Variants in FLT4 observed in about 807,000 individuals in gnomAD.
The protein encoded by FLT4 is vascular endothelial growth factor receptor 3.
In FLT4, 30 loss-of-function variants were observed where a neutral mutation model predicts 163.2. That is an observed-to-expected ratio of 0.18 (90% CI 0.14 to 0.25). The LOEUF is 0.25. FLT4 is among the 10% of genes least tolerant of loss of function. The probability of loss-of-function intolerance (pLI) is 1.00; values close to 1 mark genes in which losing one functional copy is unlikely to be tolerated. For synonymous variants in FLT4, 884 were observed against 789.5 expected, an observed-to-expected ratio of 1.12 and a Z score of -2.01; for missense variants, 1,510 against 1,863.8, an observed-to-expected ratio of 0.81 and a Z score of 3.50.
intron 1 of FLT4, among the ~76,000 whole-genome samples, chr5:180,641,227 G>A (rs1040238936): frequency 2.6e-5 from 4 of 152,166 alleles, no homozygotes; most frequent in African/African-American, 7.2e-5. Flanking sequence ...CCCACAGCAC[G>A]TGGAGGGTCC....
intron 29 of FLT4, 45 bp from the exon 30 acceptor site, chr5:180,603,435 G>T: frequency 6.4e-7 from 1 of 1,567,000 alleles, no homozygotes; most frequent in Non-Finnish European, 8.7e-7. Context: ...AGAAGGCTGG[G>T]TGGCGGGTGG....
At chr5:180,609,372 C>A (rs1762001303) in intron 28 of FLT4, 5 of 483,100 alleles carry the variant, frequency 1.0e-5, no homozygotes, top group South Asian at 2.4e-5. Context: ...AGAGGCCTCA[C>A]AACCTGGCAG....
chr5:180,629,735 G>A lies in FLT4; in HGVS notation c.777C>T (p.Asn259=), dbSNP rs1353328036. ...VLNCTVWAEF[N]SGVTFDWDYP... ...AGTCCCAGTCAAAGGTGACACCTGA[G>A]TTAAACTCAGCCCACACGGTGCAGT... The change falls in exon 6 of 30, where the codon AAC becomes AAT. Residue 259 remains asparagine (N), a synonymous_variant. Coordinates refer to ENST00000261937, the MANE Select transcript of FLT4 (RefSeq NM_182925.5). 1.9e-6 allele frequency: 3 copies of A among 1,611,924 alleles called. No individual in the cohort carries two copies. The highest frequency in any genetic ancestry group is 2.5e-6 in the Non-Finnish European group (3 of 1,179,726).
At chr5:180,605,341 A>T (rs911154765) in intron 29 of FLT4, among the ~76,000 whole-genome samples, 1 of 152,196 alleles carries the variant, frequency 6.6e-6, no homozygotes, top group Non-Finnish European at 1.5e-5. Flanking sequence ...GTCCATTTCT[A>T]TCCTGAAATT....
chr5:180,612,125 A>G (rs1407792705), intron 26 of FLT4, among the ~76,000 whole-genome samples: 2 of 152,152 alleles, frequency 1.3e-5, no homozygotes, highest in African/African-American at 4.8e-5. Flanking sequence ...GTCAGCACAC[A>G]CAGGTCAAGG....
chr5:180,611,514 C>T (rs997671572), intron 26 of FLT4, 35 bp from the exon 27 acceptor site: 1 of 1,611,058 alleles, frequency 6.2e-7, no homozygotes, highest in Non-Finnish European at 8.5e-7. Context: ...AGGCCAGAAA[C>T]CACCAGCCAC....
At chr5:180,608,730 A>G (rs78447916) in intron 29 of FLT4, among the ~76,000 whole-genome samples, 3,764 of 152,276 alleles carry the variant, frequency 0.025, 165 homozygotes, top group African/African-American at 0.085. Flanking sequence ...GAGCTCTGTC[A>G]GATGACAGGG....
At position 180,621,154 on chromosome 5, in the gene FLT4, G is replaced by A; in HGVS notation, c.2119C>T (p.Pro707Ser). 1 of 1,612,836 alleles carries A rather than the reference G, an allele frequency of 6.2e-7. No individual in the cohort carries two copies. Among genetic ancestry groups the A allele is most frequent in the Non-Finnish European group, 8.5e-7 (1 of 1,180,002 alleles). The change falls in exon 14 of 30, where the codon CCC (proline) becomes TCC (serine). Residue 707 changes from proline to serine, a missense_variant. This residue lies in a region of FLT4 where 878 missense variants were observed against 1,016.7 expected (regional missense o/e 0.86). Transcript: ENST00000261937. ...MQCLVAGAHA[P>S]SIVWYKDERL... ...TCGTCTTTGTACCACACGATGCTGG[G>A]CGCGTGCGCTCCGGCCACCAAGCAC...
intron 1 of FLT4, among the ~76,000 whole-genome samples, chr5:180,634,846 AT>A (rs1764442951): frequency 4.9e-5 from 3 of 61,096 alleles, no homozygotes; most frequent in East Asian, 4.8e-4. Context: ...GGATGCATGG[AT>A]GGATGGAAGT....
intron 29 of FLT4, among the ~76,000 whole-genome samples, chr5:180,607,434 G>A (rs1416771978): frequency 6.6e-6 from 1 of 151,988 alleles, no homozygotes; most frequent in Non-Finnish European, 1.5e-5. Flanking sequence ...TCAGGAGATC[G>A]AGACCATCCT....
chr5:180,630,805 A>G lies in FLT4; in HGVS notation c.156-6T>C. On this transcript the variant is annotated splice_polypyrimidine_tract_variant and splice_region_variant and intron_variant, in intron 2 of 29. Coordinates refer to ENST00000261937, the MANE Select transcript of FLT4 (RefSeq NM_182925.5). This position sits in a 1 kb window ranked among gnomAD's most constrained non-coding sequence, Gnocchi z 6.3. ...ACTCGAGGGGGTGCTGTCCCCTGGC[A>G]GAGGACAGGAGTGGTCAGGTGGGCC... 1 of 1,597,164 alleles carries G rather than the reference A, an allele frequency of 6.3e-7. No individual in the cohort carries two copies.
chr5:180,619,820 A>G, intron 17 of FLT4, 51 bp from the exon 18 acceptor site: 1 of 1,420,530 alleles, frequency 7.0e-7, no homozygotes, highest in Non-Finnish European at 9.9e-7. Context: ...GTGAGCGTGG[A>G]GACAGGTGGG....
At chr5:180,614,267 C>A in intron 23 of FLT4, 88 bp from the exon 24 acceptor site, 1 of 769,854 alleles carries the variant, frequency 1.3e-6, no homozygotes, top group South Asian at 1.6e-5. Context: ...CGGAGGGAAG[C>A]GTGTCCTGCG....
chr5:180,619,405 GCAGGTCC>G, intron 18 of FLT4, 39 bp from the exon 19 acceptor site: 1 of 1,377,318 alleles, frequency 7.3e-7, no homozygotes. Context: ...CCCGACCCTG[GCAGGTCC>G]CCGTTCCCCG....
At chr5:180,637,966 G>A (rs1764811191) in intron 1 of FLT4, among the ~76,000 whole-genome samples, 1 of 152,138 alleles carries the variant, frequency 6.6e-6, no homozygotes, top group African/African-American at 2.4e-5. Flanking sequence ...ATCCACCAAT[G>A]GAGTGCAGCT....
intron 24 of FLT4, chr5:180,613,661 A>G (rs936088077): frequency 6.1e-6 from 2 of 326,478 alleles, no homozygotes; most frequent in South Asian, 3.1e-5. Flanking sequence ...ACTTGGTGAC[A>G]TTTTAACTTT....
In FLT4 at chr5:180,649,538, C is replaced by T; in HGVS notation, c.8G>A (p.Arg3Gln). The T allele has an allele frequency of 4.9e-6, 7 of 1,436,516 alleles. No homozygotes were observed. The highest frequency in any genetic ancestry group is 6.4e-6 in the Non-Finnish European group (7 of 1,094,488). The allele number at this position is 1,436,516 out of a possible 1,614,324, so 89.0% of individuals were successfully genotyped here. A position where few individuals can be genotyped will look rare whatever the true frequency, so the allele number is the denominator to read the frequency against. Residue 3 changes from arginine to glutamine, a missense_variant, in exon 1 of 30, where the codon CGG (arginine) becomes CAG (glutamine). Physicochemically the swap from Arg to Gln is conservative, Grantham distance 43. Coordinates refer to ENST00000261937, the MANE Select transcript of FLT4 (RefSeq NM_182925.5). MQRGAALCLRLWL... is the reference protein window; with the variant it reads MQQGAALCLRLWL... Reference sequence around the variant, plus strand: ...CAGTCGCAGGCACAGCGCGGCGCCCCGCTGCATCTCCGGCCGCTGCGCGTG... The same window carrying T: ...CAGTCGCAGGCACAGCGCGGCGCCCTGCTGCATCTCCGGCCGCTGCGCGTG...
chr5:180,605,775 A>G (rs749069403), intron 29 of FLT4, among the ~76,000 whole-genome samples: 1 of 152,198 alleles, frequency 6.6e-6, no homozygotes, highest in Non-Finnish European at 1.5e-5. Flanking sequence ...GGCTGCACGC[A>G]GCCATGCTGA....
chr5:180,629,882 C>A (rs780961346), intron 5 of FLT4, 47 bp from the exon 6 acceptor site: 2 of 1,612,602 alleles, frequency 1.2e-6, no homozygotes, highest in African/African-American at 1.3e-5. Flanking sequence ...AGGACGACAC[C>A]CACTGAGGCC....
Sources: allele counts gnomAD v4.1 joint callset (sites outside exome capture counted in the v4.1 genomes callset), GRCh38; gene constraint gnomAD v4.1.1; regional missense constraint gnomAD v4.1.1; non-coding constraint Gnocchi (gnomAD v3.1); transcripts MANE v1.5; gene names NCBI Gene and HGNC (gene_info 2026-07-23, HGNC 2026-07-21).